The following MACROD2 variants were observed in gnomAD, a reference collection of about 807,000 sequenced individuals.
MACROD2 encodes the protein ADP-ribose glycohydrolase MACROD2.
In MACROD2, 36 loss-of-function variants were observed where a neutral mutation model predicts 70.4. The observed-to-expected ratio is 0.51, with a 90% CI of 0.39 to 0.68. The LOEUF is 0.68. MACROD2 is among the 30% of genes least tolerant of loss of function. The pLI, the probability that MACROD2 is intolerant of heterozygous loss-of-function variation, is 0.00. For synonymous variants in MACROD2, 172 were observed against 178.8 expected, an observed-to-expected ratio of 0.96 and a Z score of 0.30; for missense variants, 496 against 538.4, an observed-to-expected ratio of 0.92 and a Z score of 0.78.
chr20:14,205,499 A>G (rs762120732), intron 3 of MACROD2, among the ~76,000 whole-genome samples: 7 of 152,218 alleles, frequency 4.6e-5, no homozygotes, highest in African/African-American at 7.2e-5. Context: ...TATAAGGTGC[A>G]AATTCCTGGT....
intron 7 of MACROD2, among the ~76,000 whole-genome samples, chr20:15,497,049 A>AC (rs1234806212): frequency 6.6e-6 from 1 of 152,206 alleles, no homozygotes; most frequent in African/African-American, 2.4e-5. Context: ...GGACTTGGTT[A>AC]CCAACAGGGG....
At chr20:14,397,008 T>TA (rs1555788197) in intron 3 of MACROD2, among the ~76,000 whole-genome samples, 2 of 145,812 alleles carry the variant, frequency 1.4e-5, no homozygotes, top group Non-Finnish European at 3.0e-5. Flanking sequence ...TTTTTTTTTT[T>TA]AATTGAGATG....
intron 6 of MACROD2, among the ~76,000 whole-genome samples, chr20:15,397,602 T>C (rs2045876733): frequency 6.6e-6 from 1 of 152,234 alleles, no homozygotes; most frequent in Non-Finnish European, 1.5e-5. Context: ...TGGCCTAGCC[T>C]CTTGCATTTT....
At chr20:15,249,515 A>G (rs1302025793) in intron 6 of MACROD2, among the ~76,000 whole-genome samples, 1 of 152,202 alleles carries the variant, frequency 6.6e-6, no homozygotes, top group Admixed American at 6.5e-5. Flanking sequence ...TTCAGGATGA[A>G]GCCTGATTAC....
intron 8 of MACROD2, among the ~76,000 whole-genome samples, chr20:15,740,579 C>A (rs1180855785): frequency 6.6e-6 from 1 of 152,152 alleles, no homozygotes; most frequent in African/African-American, 2.4e-5. Flanking sequence ...CTTGTCCAGA[C>A]TTGCCCTGCA....
In MACROD2 at chr20:15,954,246, G is replaced by A. The variant is rs149241630; in HGVS notation, c.908-13307G>A. Among the ~76,000 whole-genome samples the A allele has an allele frequency of 1.3e-5, 2 of 152,020 alleles. 1 individual carries two copies. The highest frequency in any genetic ancestry group is 4.8e-5 in the African/African-American group (2 of 41,396). ...CCTCAGGTTTCCCTCCAAGTAAAAT[G>A]CAAATAGCTCACTATAGCCTGTTAG... On this transcript the variant is annotated intron_variant, in intron 12 of 17. Transcript: ENST00000684519.
At chr20:14,465,347 A>G (rs1280970461) in intron 3 of MACROD2, among the ~76,000 whole-genome samples, 1 of 152,056 alleles carries the variant, frequency 6.6e-6, no homozygotes, top group Non-Finnish European at 1.5e-5. Context: ...GTCTGAGACT[A>G]GGATTGCAAC....
At chr20:15,866,511 C>T (rs375213552) in intron 9 of MACROD2, among the ~76,000 whole-genome samples, 4 of 151,728 alleles carry the variant, frequency 2.6e-5, no homozygotes, top group Non-Finnish European at 4.4e-5. Context: ...TTTATGATAC[C>T]CTATGTTTTA....
intron 10 of MACROD2, among the ~76,000 whole-genome samples, chr20:15,905,342 A>T (rs1028332113): frequency 7.2e-5 from 11 of 152,376 alleles, no homozygotes; most frequent in Middle Eastern, 3.4e-3. Context: ...AGATCAGTTT[A>T]TCAGGGCATA....
intron 3 of MACROD2, among the ~76,000 whole-genome samples, chr20:14,380,544 G>T (rs2083411344): frequency 6.6e-6 from 1 of 152,050 alleles, no homozygotes; most frequent in East Asian, 1.9e-4. Context: ...GTAGTTTAAG[G>T]TCTTATATTT....
intron 4 of MACROD2, among the ~76,000 whole-genome samples, chr20:14,625,156 G>T (rs142839621): frequency 6.6e-6 from 1 of 151,752 alleles, no homozygotes; most frequent in East Asian, 1.9e-4. Context: ...ATGAAACCCC[G>T]TCTCTACTAA....
intron 3 of MACROD2, among the ~76,000 whole-genome samples, chr20:14,417,540 T>G (rs113160132): frequency 1.1e-3 from 174 of 152,338 alleles, no homozygotes; most frequent in African/African-American, 4.1e-3. Flanking sequence ...ACTTTTTCAT[T>G]GGTTACTCAT....
rs552662547 is a variant in MACROD2, at chr20:15,020,611, G to A, written c.419-209329G>A. Among the ~76,000 whole-genome samples the A allele has an allele frequency of 8.9e-4, 135 of 152,168 alleles. 1 individual carries two copies. Among genetic ancestry groups the A allele is most frequent in the Non-Finnish European group, 1.4e-3 (92 of 67,972 alleles). On this transcript the variant is annotated intron_variant, in intron 5 of 17. Coordinates refer to ENST00000684519, the MANE Select transcript of MACROD2 (RefSeq NM_001351661.2). ...GCAATGTCGTCATCATGTGAACATC[G>A]TAGAGTGATTTATGCAAACCTACAT...
At chr20:15,960,707 G>A (rs568445549) in intron 12 of MACROD2, among the ~76,000 whole-genome samples, 30 of 152,244 alleles carry the variant, frequency 2.0e-4, no homozygotes, top group African/African-American at 7.2e-4. Flanking sequence ...TGAGGAAGCT[G>A]GGGTATTTAT....
At chr20:15,834,898 G>A (rs2064096053) in intron 8 of MACROD2, among the ~76,000 whole-genome samples, 1 of 152,090 alleles carries the variant, frequency 6.6e-6, no homozygotes, top group Non-Finnish European at 1.5e-5. Context: ...TTCAATCATG[G>A]CTAACGATGA....
chr20:15,974,275 T>A (rs886529753), intron 13 of MACROD2, among the ~76,000 whole-genome samples: 8 of 151,444 alleles, frequency 5.3e-5, no homozygotes, highest in Non-Finnish European at 1.0e-4. Flanking sequence ...GGAGCAGAGA[T>A]GAAACATAGA....
intron 8 of MACROD2, among the ~76,000 whole-genome samples, chr20:15,668,691 T>A (rs2146831925): frequency 6.6e-6 from 1 of 152,376 alleles, no homozygotes; most frequent in East Asian, 1.9e-4. Context: ...CGCAAAATTA[T>A]CTCGATTATG....
chr20:15,784,899 A>G (rs546433543), intron 8 of MACROD2, among the ~76,000 whole-genome samples: 110 of 152,238 alleles, frequency 7.2e-4, no homozygotes, highest in African/African-American at 2.6e-3. Context: ...CTGTAATCCC[A>G]GCACTTTGGG....
chr20:14,817,027 C>G (rs1363942880), intron 5 of MACROD2, among the ~76,000 whole-genome samples: 1 of 152,072 alleles, frequency 6.6e-6, no homozygotes, highest in South Asian at 2.1e-4. Flanking sequence ...ATGCTTATCA[C>G]TGAGCAATAT....
Sources: gnomAD v4.1 joint callset for allele counts (sites outside exome capture counted in the v4.1 genomes callset) on GRCh38, gnomAD v4.1.1 for gene constraint, MANE v1.5 for transcripts, NCBI Gene and HGNC (gene_info 2026-07-23, HGNC 2026-07-21) for gene names.